KLHL31: variants seen among roughly 807,000 people sequenced by gnomAD.
KLHL31 encodes kelch like family member 31, also known as kelch-like protein 31.
KLHL31 carries 32 observed loss-of-function variants against 47.1 expected under a neutral mutation model. The observed-to-expected ratio is 0.68, with a 90% CI of 0.51 to 0.91. The LOEUF (loss-of-function observed/expected upper bound fraction) is 0.91. Ranked by LOEUF, KLHL31 falls within the 40% of genes least tolerant of loss-of-function variation. The probability of loss-of-function intolerance (pLI) is 0.00; values close to 1 mark genes in which losing one functional copy is unlikely to be tolerated. For missense variants in KLHL31, 797 were observed against 819.3 expected (o/e 0.97, Z 0.33); for synonymous variants, 330 against 325.1 (o/e 1.01, Z -0.16).
rs746293735 is a variant in KLHL31, at chr6:53,652,221, T to A, written c.1282A>T (p.Asn428Tyr). Residue 428 changes from asparagine (N) to tyrosine (Y), a missense_variant, in exon 3 of 3, where the codon AAC becomes TAC. Transcript: ENST00000370905. ...NGLVYAAGGR[N>Y]AEGSLASLEC... ...AGCGAGGCCAGGCTTCCTTCTGCGT[T>A]GCGGCCGCCCGCGGCGTACACGAGC... is the stretch of plus-strand genomic sequence containing the variant. The A allele has an allele frequency of 1.2e-6, 2 of 1,613,684 alleles. No homozygotes were observed. Among genetic ancestry groups the A allele is most frequent in the South Asian group, 1.1e-5 (1 of 91,086 alleles).
chr6:53,661,624 T>C (rs1205810937), intron 1 of KLHL31, among the ~76,000 whole-genome samples: 1 of 152,236 alleles, frequency 6.6e-6, no homozygotes, highest in Non-Finnish European at 1.5e-5. Flanking sequence ...TATGGGCTAA[T>C]AGAAGATGGC....
At chr6:53,665,182 G>A (rs1430614048) in intron 1 of KLHL31, among the ~76,000 whole-genome samples, 2 of 151,946 alleles carry the variant, frequency 1.3e-5, no homozygotes, top group South Asian at 2.1e-4. Flanking sequence ...AGTAACAAAT[G>A]TTAAAATGAT....
Position 53,655,305 on chromosome 6 carries a change from G to C in KLHL31, c.-33C>G, listed in dbSNP as rs778272996. 6 of 1,377,140 alleles carry C rather than the reference G, an allele frequency of 4.4e-6. No homozygotes were observed. The South Asian group carries it at 4.8e-5, about 11-fold the overall frequency. 85.3% of individuals were successfully genotyped at this position (1,377,140 alleles called of 1,614,324 possible). Reference sequence around the variant, plus strand: ...AATACACTGTTACAGGCAAGAGCTTGCTAAAAAGAGAAAAAAAAAAACATG... The same window carrying C: ...AATACACTGTTACAGGCAAGAGCTTCCTAAAAAGAGAAAAAAAAAAACATG... On this transcript the variant is annotated splice_region_variant and 5_prime_UTR_variant, in exon 2 of 3. Coordinates refer to ENST00000370905, the MANE Select transcript of KLHL31 (RefSeq NM_001003760.5).
Position 53,652,013 on chromosome 6 carries a change from G to A in KLHL31, c.1490C>T (p.Pro497Leu), listed in dbSNP as rs777140940. Residue 497 changes from proline (P) to leucine (L), a missense_variant, in exon 3 of 3, where the codon CCG becomes CTG. Physicochemically the swap from Pro to Leu is moderately conservative, Grantham distance 98. Transcript: ENST00000370905. ...DPASDSWQEL[P>L]NLSTPRGWHC... is the part of the protein sequence containing the mutation. ...CCAGCCCCGGGGTGTGCTGAGGTTCGGCAGCTCCTGCCACGAGTCGCTGGC... is the reference window on the plus strand; with the variant it reads ...CCAGCCCCGGGGTGTGCTGAGGTTCAGCAGCTCCTGCCACGAGTCGCTGGC... The A allele has an allele frequency of 6.3e-7, 1 of 1,590,598 alleles. No homozygotes were observed. The highest frequency in any genetic ancestry group is 8.5e-7 in the Non-Finnish European group (1 of 1,174,586).
chr6:53,651,787 G>GC lies in KLHL31; in HGVS notation c.1715dup (p.Trp573LeufsTer84). 2 of 1,613,540 alleles carry GC rather than the reference G, an allele frequency of 1.2e-6. No individual in the cohort carries two copies. Among genetic ancestry groups the GC allele is most frequent in the South Asian group, 1.1e-5 (1 of 91,084 alleles). On this transcript the variant is annotated frameshift_variant, in exon 3 of 3. Transcript: ENST00000370905. LOFTEE classifies it high-confidence loss of function. ...TGTACTTCTTCTCGCCCTCGTTCCA[G>GC]CCCCCCACCAGGTAGGCGCGGCCAT...
chr6:53,657,383 T>C (rs1032489670), intron 1 of KLHL31, among the ~76,000 whole-genome samples: 14 of 152,188 alleles, frequency 9.2e-5, no homozygotes, highest in Non-Finnish European at 1.8e-4. Flanking sequence ...CATAACACTA[T>C]AGAAAACTTA....
chr6:53,653,113 A>G (rs1764501592), intron 2 of KLHL31, among the ~76,000 whole-genome samples: 1 of 152,208 alleles, frequency 6.6e-6, no homozygotes, highest in African/African-American at 2.4e-5. Flanking sequence ...CTCGAGTACT[A>G]AAAGGTGTCT....
chr6:53,654,877 C>G lies in KLHL31; in HGVS notation c.396G>C (p.Lys132Asn), dbSNP rs768357473. ...ATVIAYAYTGKLTLSLYTIGS... is the reference protein window; with the variant it reads ...ATVIAYAYTGNLTLSLYTIGS... ...CTATTGTATACAAGGAGAGAGTGAG[C>G]TTTCCAGTGTAGGCATATGCAATGA... Residue 132 changes from lysine to asparagine, a missense_variant, in exon 2 of 3, where the codon AAG becomes AAC. Physicochemically the swap from Lys to Asn is moderately conservative, Grantham distance 94. Coordinates refer to ENST00000370905, the MANE Select transcript of KLHL31 (RefSeq NM_001003760.5). The G allele has an allele frequency of 1.9e-6, 3 of 1,614,122 alleles. No homozygotes were observed. The highest frequency in any genetic ancestry group is 2.5e-6 in the Non-Finnish European group (3 of 1,180,004).
At position 53,652,112 on chromosome 6, in the gene KLHL31, G is replaced by A. The variant is rs1581786532; in HGVS notation, c.1391C>T (p.Ala464Val). Residue 464 changes from alanine to valine, a missense_variant, in exon 3 of 3, where the codon GCC (alanine) becomes GTC (valine). By Grantham distance (64) the Ala-to-Val change is moderately conservative. Transcript: ENST00000370905. ...TCCGGTCACCAGCACGCGGCCGTCGGCGACCGCGCTAGCGTGGCAGCAGCG... is the reference window on the plus strand; with the variant it reads ...TCCGGTCACCAGCACGCGGCCGTCGACGACCGCGCTAGCGTGGCAGCAGCG... Reference protein sequence around the residue: ...VARCCHASAVADGRVLVTGGY... With the variant: ...VARCCHASAVVDGRVLVTGGY... 6.2e-7 allele frequency: 1 copy of A among 1,600,800 alleles called. No individual in the cohort carries two copies. Among genetic ancestry groups the A allele is most frequent in the Non-Finnish European group, 8.5e-7 (1 of 1,178,120 alleles).
chr6:53,653,197 A>T (rs1764502595), intron 2 of KLHL31, among the ~76,000 whole-genome samples: 1 of 152,250 alleles, frequency 6.6e-6, no homozygotes, highest in African/African-American at 2.4e-5. Context: ...TTGTAAATAC[A>T]GAACTCACTC....
In KLHL31 at chr6:53,654,439, C is replaced by T. The variant is rs1488584734; in HGVS notation, c.834G>A (p.Met278Ile). The change falls in exon 2 of 3, where the codon ATG (methionine) becomes ATA (isoleucine). Residue 278 changes from methionine (M) to isoleucine (I), a missense_variant. Coordinates refer to ENST00000370905, the MANE Select transcript of KLHL31 (RefSeq NM_001003760.5). ...GTCTGTGACAATCAGCATCTTGCAT[C>T]ATTCTTGGTACGGATTGAACATAAT... ...LVNYVQSVPR[M>I]MQDADCHRLL... The T allele has an allele frequency of 3.7e-6, 6 of 1,614,086 alleles. No homozygotes were observed. In the Admixed American group the frequency reaches 5.0e-5, roughly 13 times the overall value.
In KLHL31 at chr6:53,654,607, A is replaced by C. The variant is rs1055389801; in HGVS notation, c.666T>G (p.Asp222Glu). Residue 222 changes from aspartate (D) to glutamate (E), a missense_variant, in exon 2 of 3, where the codon GAT (aspartate) becomes GAG (glutamate). Asp to Glu is a conservative substitution (Grantham distance 45). Transcript: ENST00000370905. Reference sequence around the variant, plus strand: ...TCTCAGAAGGCAACTGTAAGTCATCATCTATAAGAAGTTCATTAATTTGTT... The same window carrying C: ...TCTCAGAAGGCAACTGTAAGTCATCCTCTATAAGAAGTTCATTAATTTGTT... ...TFEQINELLIDDDLQLPSEIV... is the reference protein window; with the variant it reads ...TFEQINELLIEDDLQLPSEIV... 12 of 1,614,196 alleles carry C rather than the reference A, an allele frequency of 7.4e-6. No homozygotes were observed. The East Asian group carries it at 2.7e-4, about 36-fold the overall frequency.
At position 53,654,467 on chromosome 6, in the gene KLHL31, A is replaced by G. The variant is rs1764524641; in HGVS notation, c.806T>C (p.Val269Ala). ...RFGTISAQDL[V>A]NYVQSVPRMM... ...TCTTGGTACGGATTGAACATAATTG[A>G]CCAGGTCTTGTGCAGAGATGGTACC... Residue 269 changes from valine to alanine, a missense_variant, in exon 2 of 3, where the codon GTC (valine) becomes GCC (alanine). Val to Ala is a moderately conservative substitution (Grantham distance 64, BLOSUM62 0). Coordinates refer to ENST00000370905, the MANE Select transcript of KLHL31 (RefSeq NM_001003760.5). 1 of 1,614,196 alleles carries G rather than the reference A, an allele frequency of 6.2e-7. No homozygotes were observed. The highest frequency in any genetic ancestry group is 8.5e-7 in the Non-Finnish European group (1 of 1,180,020).
Position 53,651,954 on chromosome 6 carries a change from C to A in KLHL31, c.1549G>T (p.Val517Leu), listed in dbSNP as rs752219170. Reference protein sequence around the residue: ...CAVTLSDRVYVMGGSQLGPRG... With the variant: ...CAVTLSDRVYLMGGSQLGPRG... ...GGCCCCAGCTGGCTGCCGCCCATCACGTACACTCTGTCGCTCAGCGTGACC... is the reference window on the plus strand; with the variant it reads ...GGCCCCAGCTGGCTGCCGCCCATCAAGTACACTCTGTCGCTCAGCGTGACC... The change falls in exon 3 of 3, where the codon GTG (valine) becomes TTG (leucine). Residue 517 changes from valine (V) to leucine (L), a missense_variant. Physicochemically the swap from Val to Leu is conservative, Grantham distance 32. Coordinates refer to ENST00000370905, the MANE Select transcript of KLHL31 (RefSeq NM_001003760.5). The A allele has an allele frequency of 1.3e-6, 2 of 1,593,320 alleles. No individual in the cohort carries two copies. Among genetic ancestry groups the A allele is most frequent in the Admixed American group, 3.4e-5 (2 of 58,888 alleles).
rs925850758 is a variant in KLHL31, at chr6:53,649,026, C to T, written c.*2572G>A. On this transcript the variant is annotated 3_prime_UTR_variant, in exon 3 of 3. Coordinates refer to ENST00000370905, the MANE Select transcript of KLHL31 (RefSeq NM_001003760.5). ...AAGTATATGGTTGGGTCCTAAGACT[C>T]TGGAGTAATTGAATGTAAGCTTAAA... The T allele has an allele frequency of 5.3e-5, 8 of 152,130 alleles. No individual in the cohort carries two copies. The highest frequency in any genetic ancestry group is 2.0e-4 in the Admixed American group (3 of 15,258). The allele number at this position is 152,130 out of a possible 1,614,324, so 9.4% of individuals were successfully genotyped here. A position where few individuals can be genotyped will look rare whatever the true frequency, so the allele number is the denominator to read the frequency against.
chr6:53,659,061 T>A (rs1236702424), intron 1 of KLHL31, among the ~76,000 whole-genome samples: 1 of 152,158 alleles, frequency 6.6e-6, no homozygotes, highest in Non-Finnish European at 1.5e-5. Context: ...TTCAAAAAAA[T>A]TTGAACCATT....
At chr6:53,659,796 AG>A (rs767986356) in intron 1 of KLHL31, among the ~76,000 whole-genome samples, 1 of 152,236 alleles carries the variant, frequency 6.6e-6, no homozygotes, top group Non-Finnish European at 1.5e-5. Flanking sequence ...AGAAATCTCC[AG>A]GAAGAGAGAG....
rs1764420609 is a variant in KLHL31 at position 53,648,164 on chromosome 6, T to C, written c.*3434A>G. On this transcript the variant is annotated 3_prime_UTR_variant, in exon 3 of 3. Transcript: ENST00000370905. ...GTGAATGTGCTGGAGGGTAAATCTT[T>C]AATATTTTAGATTGTTTAATTCTTA... 1 of 152,656 alleles carries C rather than the reference T, an allele frequency of 6.6e-6. No homozygotes were observed. The highest frequency in any genetic ancestry group is 1.5e-5 in the Non-Finnish European group (1 of 68,028). The allele number at this position is 152,656 out of a possible 1,614,324, so 9.5% of individuals were successfully genotyped here.
chr6:53,661,339 C>T (rs1342952045), intron 1 of KLHL31, among the ~76,000 whole-genome samples: 1 of 152,158 alleles, frequency 6.6e-6, no homozygotes, highest in East Asian at 1.9e-4. Context: ...AACAAACTCT[C>T]CCGGCCTCTC....
Sources: gnomAD v4.1 joint callset for allele counts (sites outside exome capture counted in the v4.1 genomes callset) on GRCh38, gnomAD v4.1.1 for gene constraint, MANE v1.5 for transcripts, NCBI Gene and HGNC (gene_info 2026-07-23, HGNC 2026-07-21) for gene names.